DNAI1: variants seen among roughly 807,000 people sequenced by gnomAD.
The protein encoded by DNAI1 is dynein, axonemal, intermediate polypeptide 1.
DNAI1 carries 67 observed loss-of-function variants against 92.0 expected under a neutral mutation model. That is an observed-to-expected ratio of 0.73 (90% CI 0.60 to 0.89). The LOEUF (loss-of-function observed/expected upper bound fraction) is 0.89. DNAI1 is among the 40% of genes least tolerant of loss of function. DNAI1 has a pLI of 0.00. For missense variants in DNAI1, 839 were observed against 866.6 expected (o/e 0.97, Z 0.40); for synonymous variants, 323 against 319.6 (o/e 1.01, Z -0.11).
intron 10 of DNAI1, among the ~76,000 whole-genome samples, 198 bp from the exon 11 acceptor site, chr9:34,500,524 C>T (rs1393562143): frequency 6.6e-6 from 1 of 152,182 alleles, no homozygotes; most frequent in Non-Finnish European, 1.5e-5. Context: ...ATGTGCCAGG[C>T]ATTTTTCTAA....
chr9:34,489,656 T>C (rs1430357687), intron 5 of DNAI1, among the ~76,000 whole-genome samples: 2 of 152,134 alleles, frequency 1.3e-5, no homozygotes, highest in Non-Finnish European at 2.9e-5. Flanking sequence ...GAGACCATCC[T>C]GGCTAATACA....
At chr9:34,513,082 G>A in intron 15 of DNAI1, 30 bp from the exon 16 acceptor site, 2 of 1,599,640 alleles carry the variant, frequency 1.3e-6, no homozygotes, top group Non-Finnish European at 1.7e-6. Flanking sequence ...TTGGAACTGG[G>A]CTAAGCCTGC....
In DNAI1 at chr9:34,506,789, C is replaced by T. The variant is rs762091795; in HGVS notation, c.1226C>T (p.Ala409Val). The part of the protein sequence containing the change: ...VAVGHYDGNV[A>V]IYNLKKPHSQ... ...GTAGGCCACTATGACGGCAACGTGG[C>T]CATTTACAACCTCAAGAAGCCCCAC... Residue 409 changes from alanine (A) to valine (V), a missense_variant, in exon 13 of 20, where the codon GCC (alanine) becomes GTC (valine). Ala to Val is a moderately conservative substitution (Grantham distance 64). Transcript: ENST00000242317. 6.2e-7 allele frequency: 1 copy of T among 1,614,152 alleles called. No homozygotes were observed. Among genetic ancestry groups the T allele is most frequent in the South Asian group, 1.1e-5 (1 of 91,086 alleles).
intron 15 of DNAI1, 124 bp from the exon 16 acceptor site, chr9:34,512,988 A>G: frequency 1.2e-6 from 1 of 827,680 alleles, no homozygotes; most frequent in East Asian, 2.4e-5. Flanking sequence ...GCCCTAGTTC[A>G]GTCTGTCCTG....
chr9:34,483,341 A>T, intron 1 of DNAI1, 107 bp from the exon 2 acceptor site: 2 of 1,128,916 alleles, frequency 1.8e-6, no homozygotes, highest in Non-Finnish European at 2.6e-6. Context: ...GTCACCTCTC[A>T]CTTTGACTGT....
chr9:34,489,202 G>C, intron 4 of DNAI1, 121 bp from the exon 5 acceptor site: 1 of 1,171,934 alleles, frequency 8.5e-7, no homozygotes, highest in Non-Finnish European at 1.3e-6. Context: ...TGAGGATTTG[G>C]TGAGTTACAT....
At chr9:34,460,260 C>T (rs1823924021) in intron 1 of DNAI1, among the ~76,000 whole-genome samples, 1 of 152,180 alleles carries the variant, frequency 6.6e-6, no homozygotes, top group Non-Finnish European at 1.5e-5. Context: ...CAACTCAGTC[C>T]TTCAGGAACT....
At chr9:34,489,717 C>T (rs1324632304) in intron 5 of DNAI1, among the ~76,000 whole-genome samples, 1 of 152,026 alleles carries the variant, frequency 6.6e-6, no homozygotes, top group Non-Finnish European at 1.5e-5. Flanking sequence ...GGCGTGGTGG[C>T]ACTTACCTGT....
intron 9 of DNAI1, among the ~76,000 whole-genome samples, chr9:34,495,804 C>G (rs963635820): frequency 6.6e-6 from 1 of 152,088 alleles, no homozygotes; most frequent in African/African-American, 2.4e-5. Context: ...GTCACACTTA[C>G]CAGGAAGCTG....
chr9:34,485,557 C>T lies in DNAI1; in HGVS notation c.261+40C>T, dbSNP rs779765108. On this transcript the variant is annotated intron_variant, in intron 4 of 19. Transcript: ENST00000242317. ...CCTGGGCAGGGGCATCTATACCCAT[C>T]TCCTTGGAGTGACAGTGACTTGCTA... 5 of 1,584,456 alleles carry T rather than the reference C, an allele frequency of 3.2e-6. No homozygotes were observed. The African/African-American group carries it at 6.7e-5, about 21-fold the overall frequency.
At chr9:34,474,451 G>C (rs1824201280) in intron 1 of DNAI1, among the ~76,000 whole-genome samples, 1 of 151,554 alleles carries the variant, frequency 6.6e-6, no homozygotes, top group Non-Finnish European at 1.5e-5. Flanking sequence ...TGCCCAGGCT[G>C]GTCTTGAACC....
chr9:34,471,302 G>C (rs1198030527), intron 1 of DNAI1, among the ~76,000 whole-genome samples: 1 of 151,836 alleles, frequency 6.6e-6, no homozygotes, highest in Non-Finnish European at 1.5e-5. Context: ...GCATTTGACT[G>C]TAGTCCCAGC....
intron 15 of DNAI1, among the ~76,000 whole-genome samples, chr9:34,512,846 C>T (rs1363251807): frequency 6.6e-6 from 1 of 152,228 alleles, no homozygotes; most frequent in Non-Finnish European, 1.5e-5. Flanking sequence ...TAACTCAATC[C>T]CTGCCTTGTT....
Position 34,512,192 on chromosome 9 carries a change from C to G in DNAI1, c.1395C>G (p.Leu465=), listed in dbSNP as rs764446899. 2 of 1,614,010 alleles carry G rather than the reference C, an allele frequency of 1.2e-6. No individual in the cohort carries two copies. The highest frequency in any genetic ancestry group is 1.1e-5 in the South Asian group (1 of 91,082). ...SSDGRIVSWT[L]VKRKLVHIDV... ...ACGGCAGGATTGTGTCTTGGACTCT[C>G]GTGAAGGTGCCTATTTCCCAGAGAG... is the stretch of plus-strand genomic sequence containing the variant. Residue 465 remains leucine, a synonymous_variant, in exon 14 of 20, where the codon CTC becomes CTG. Coordinates refer to ENST00000242317, the MANE Select transcript of DNAI1 (RefSeq NM_012144.4).
In DNAI1 at chr9:34,517,293, A is replaced by G. The variant is rs1231996646; in HGVS notation, c.1827A>G (p.Ile609Met). ...AAVTTDGKAHIFDLAINKYEA... is the reference protein window; with the variant it reads ...AAVTTDGKAHMFDLAINKYEA... ...CACCGACCTCTCCACAGGCCCACAT[A>G]TTTGACTTAGCCATCAACAAGTATG... is the stretch of plus-strand genomic sequence containing the variant. The change falls in exon 19 of 20, where the codon ATA (isoleucine) becomes ATG (methionine). Residue 609 changes from isoleucine to methionine, a missense_variant. By Grantham distance (10) the Ile-to-Met change is conservative. Coordinates refer to ENST00000242317, the MANE Select transcript of DNAI1 (RefSeq NM_012144.4). 6.2e-6 allele frequency: 10 copies of G among 1,613,770 alleles called. 1 individual carries two copies. The South Asian group carries it at 1.1e-4, about 18-fold the overall frequency.
In DNAI1 at chr9:34,473,036, G is replaced by T. The variant is rs76229950; in HGVS notation, c.49-10412G>T. 8.3e-4 allele frequency among the ~76,000 whole-genome samples: 126 copies of T among 152,116 alleles called. 2 individuals carry two copies. In the East Asian group the frequency reaches 0.023, roughly 28 times the overall value. On this transcript the variant is annotated intron_variant, in intron 1 of 19. Coordinates refer to ENST00000242317, the MANE Select transcript of DNAI1 (RefSeq NM_012144.4). ...TCTTCCAGAAATTTTGTATGTATAT[G>T]CAAATACACATATACACATATTCTT... is the stretch of plus-strand genomic sequence containing the variant.
intron 19 of DNAI1, among the ~76,000 whole-genome samples, chr9:34,518,207 G>A (rs1426953542): frequency 3.3e-5 from 5 of 152,210 alleles, no homozygotes; most frequent in Non-Finnish European, 5.9e-5. Context: ...GCCAGGTTCT[G>A]GGCCAGGATC....
At chr9:34,491,104 G>A (rs1255416237) in intron 7 of DNAI1, among the ~76,000 whole-genome samples, 2 of 152,302 alleles carry the variant, frequency 1.3e-5, no homozygotes, top group Admixed American at 1.3e-4. Flanking sequence ...TCCCCTGGTG[G>A]AGCCAGAGAC....
chr9:34,488,313 C>T lies in DNAI1; in HGVS notation c.262-1010C>T, dbSNP rs140538820. 1.4e-4 allele frequency: 24 copies of T among 171,344 alleles called. No individual in the cohort carries two copies. In the East Asian group the frequency reaches 4.4e-3, roughly 31 times the overall value. The allele number at this position is 171,344 out of a possible 1,614,324, so 10.6% of individuals were successfully genotyped here. ...ACTCTGCCTGCCTCCAAAGACCATG[C>T]TCTTAACCACTGCACTGACTTGTCT... On this transcript the variant is annotated intron_variant, in intron 4 of 19. Coordinates refer to ENST00000242317, the MANE Select transcript of DNAI1 (RefSeq NM_012144.4).
Sources: gnomAD v4.1 joint callset for allele counts (sites outside exome capture counted in the v4.1 genomes callset) on GRCh38, gnomAD v4.1.1 for gene constraint, MANE v1.5 for transcripts, NCBI Gene and HGNC (gene_info 2026-07-23, HGNC 2026-07-21) for gene names.